C1orf21: variants seen among roughly 807,000 people sequenced by gnomAD.
C1orf21 encodes uncharacterized protein C1orf21.
C1orf21 carries 3 observed loss-of-function variants against 18.7 expected under a neutral mutation model. The observed-to-expected ratio is 0.16, with a 90% CI of 0.07 to 0.42. The LOEUF (loss-of-function observed/expected upper bound fraction) is 0.42. Ranked by LOEUF, C1orf21 falls within the 10% of genes least tolerant of loss-of-function variation. The probability of loss-of-function intolerance (pLI) is 0.99; values close to 1 mark genes in which losing one functional copy is unlikely to be tolerated. For missense variants in C1orf21, 104 were observed against 143.6 expected, an observed-to-expected ratio of 0.72 and a Z score of 1.41; for synonymous variants, 41 against 46.4, an observed-to-expected ratio of 0.88 and a Z score of 0.47.
intron 3 of C1orf21, among the ~76,000 whole-genome samples, chr1:184,515,301 TG>T (rs1658207891): frequency 1.3e-5 from 2 of 152,224 alleles, no homozygotes; most frequent in Admixed American, 6.5e-5. Context: ...GCTTTAAAAT[TG>T]ATTTTTAAAA....
chr1:184,431,309 A>G (rs1242452810), intron 1 of C1orf21, among the ~76,000 whole-genome samples: 2 of 152,252 alleles, frequency 1.3e-5, no homozygotes, highest in Non-Finnish European at 2.9e-5. Context: ...CTCAGAAATA[A>G]CGCCACACAT....
At chr1:184,565,474 C>G (rs1381439626) in intron 3 of C1orf21, among the ~76,000 whole-genome samples, 1 of 152,234 alleles carries the variant, frequency 6.6e-6, no homozygotes, top group Non-Finnish European at 1.5e-5. Context: ...AGCCCTGGTT[C>G]TCTAGACCTC....
intron 4 of C1orf21, among the ~76,000 whole-genome samples, chr1:184,594,741 A>G (rs1659490212): frequency 6.6e-6 from 1 of 152,186 alleles, no homozygotes; most frequent in Admixed American, 6.5e-5. Context: ...AGTTGTCTTT[A>G]GCTCAAAATA....
chr1:184,617,985 C>T (rs992224349), intron 5 of C1orf21, among the ~76,000 whole-genome samples: 1 of 145,688 alleles, frequency 6.9e-6, no homozygotes, highest in Non-Finnish European at 1.5e-5. Context: ...TCTTGGCTCA[C>T]TGCAATCTCT....
rs115161679 is a variant in C1orf21, at chr1:184,468,189, C to T, written c.-124-9197C>T. ...TTGACAGTTCCAGAAGGAAGACTTT[C>T]GGATAGTCAGGGCTTTCCTCTAGAG... On this transcript the variant is annotated intron_variant, in intron 1 of 5. Transcript: ENST00000235307. Among the ~76,000 whole-genome samples, 391 of 152,286 alleles carry T rather than the reference C, an allele frequency of 2.6e-3. 4 individuals carry two copies. Among genetic ancestry groups the T allele is most frequent in the African/African-American group, 8.9e-3 (369 of 41,554 alleles).
At chr1:184,600,641 A>G (rs1659574084) in intron 5 of C1orf21, among the ~76,000 whole-genome samples, 1 of 152,238 alleles carries the variant, frequency 6.6e-6, no homozygotes, top group African/African-American at 2.4e-5. Context: ...TAACTTGATC[A>G]TTCGTTGGAT....
intron 1 of C1orf21, among the ~76,000 whole-genome samples, chr1:184,415,406 G>A (rs1656433713): frequency 6.6e-6 from 1 of 152,160 alleles, no homozygotes. Context: ...AACAGTTCCT[G>A]GGTTTTACTA....
At chr1:184,590,272 G>A (rs78503719) in intron 3 of C1orf21, among the ~76,000 whole-genome samples, 49 of 152,278 alleles carry the variant, frequency 3.2e-4, no homozygotes, top group East Asian at 2.7e-3. Flanking sequence ...AGCATTTGTC[G>A]TGGGTTTTAG....
intron 3 of C1orf21, among the ~76,000 whole-genome samples, chr1:184,528,866 T>C (rs974453609): frequency 2.0e-5 from 3 of 152,216 alleles, no homozygotes; most frequent in African/African-American, 4.8e-5. Context: ...ATAATACTTC[T>C]GTAAGCATAT....
intron 5 of C1orf21, among the ~76,000 whole-genome samples, chr1:184,608,281 G>A (rs1407632196): frequency 6.6e-6 from 1 of 152,178 alleles, no homozygotes; most frequent in African/African-American, 2.4e-5. Flanking sequence ...ATGAAAACAG[G>A]AATGTGTTTT....
intron 1 of C1orf21, among the ~76,000 whole-genome samples, chr1:184,421,296 G>T (rs114069928): frequency 0.015 from 2,349 of 152,168 alleles, 70 homozygotes; most frequent in African/African-American, 0.054. Flanking sequence ...GTAGAAATGG[G>T]GGTCTCACTG....
chr1:184,517,002 G>C (rs12091430), intron 3 of C1orf21, among the ~76,000 whole-genome samples: 4,185 of 152,286 alleles, frequency 0.027, 181 homozygotes, highest in African/African-American at 0.094. Flanking sequence ...CCTGTAAGGG[G>C]GCTTGTGTTT....
intron 1 of C1orf21, among the ~76,000 whole-genome samples, chr1:184,419,370 G>A (rs1332990188): frequency 2.0e-5 from 3 of 152,080 alleles, no homozygotes; most frequent in African/African-American, 7.2e-5. Flanking sequence ...GGTTTTTGTG[G>A]GGAAGATAAC....
chr1:184,505,340 T>TATATATATATATAC (rs1285554960), intron 2 of C1orf21, among the ~76,000 whole-genome samples: 24 of 118,698 alleles, frequency 2.0e-4, no homozygotes, highest in African/African-American at 2.6e-4. Flanking sequence ...TATATATATA[T>TATATATATATATAC]ACACACATGC....
intron 3 of C1orf21, among the ~76,000 whole-genome samples, chr1:184,554,715 A>C (rs1571275228): frequency 6.6e-6 from 1 of 152,202 alleles, no homozygotes; most frequent in Non-Finnish European, 1.5e-5. Context: ...AAACTTTATG[A>C]CCTATCCTTT....
intron 5 of C1orf21, among the ~76,000 whole-genome samples, chr1:184,607,649 GTATATATACATATATATGTGTGTA>G (rs1659666280): frequency 2.7e-5 from 4 of 148,956 alleles, no homozygotes; most frequent in South Asian, 4.3e-4. Context: ...ATATGTGTGT[GTATATATACATATATATGTGTGTA>G]TATATATACA....
At chr1:184,527,057 G>A (rs1658387764) in intron 3 of C1orf21, among the ~76,000 whole-genome samples, 1 of 152,158 alleles carries the variant, frequency 6.6e-6, no homozygotes, top group Admixed American at 6.5e-5. Context: ...TCTTAATGGA[G>A]GGGCCCCCTT....
intron 3 of C1orf21, among the ~76,000 whole-genome samples, chr1:184,558,822 G>A (rs923189596): frequency 2.0e-5 from 3 of 152,198 alleles, no homozygotes; most frequent in African/African-American, 7.2e-5. Context: ...TAAATCAGTT[G>A]ATACATGCAA....
At chr1:184,494,107 G>A (rs1472433685) in intron 2 of C1orf21, among the ~76,000 whole-genome samples, 1 of 152,222 alleles carries the variant, frequency 6.6e-6, no homozygotes, top group African/African-American at 2.4e-5. Flanking sequence ...GGGATGGAGA[G>A]TTGACAGGAT....
Sources: gnomAD v4.1 joint callset for allele counts (sites outside exome capture counted in the v4.1 genomes callset) on GRCh38, gnomAD v4.1.1 for gene constraint, MANE v1.5 for transcripts, NCBI Gene and HGNC (gene_info 2026-07-23, HGNC 2026-07-21) for gene names.